Variants in ELF2 observed in about 807,000 individuals in gnomAD.
ELF2 encodes ETS-related transcription factor Elf-2.
Under a neutral mutation model 54.8 loss-of-function variants are expected in ELF2, and 11 were observed. That is an observed-to-expected ratio of 0.20 (90% CI 0.13 to 0.33). The LOEUF (loss-of-function observed/expected upper bound fraction) is 0.33, where lower values mean the gene tolerates loss of function less well. ELF2 is among the 10% of genes least tolerant of loss of function. The pLI is 1.00. For missense variants in ELF2, 513 were observed against 703.0 expected (o/e 0.73, Z 3.06); for synonymous variants, 203 against 245.1 (o/e 0.83, Z 1.61).
chr4:139,144,393 G>C (rs762977275), intron 1 of ELF2, among the ~76,000 whole-genome samples: 6 of 152,178 alleles, frequency 3.9e-5, no homozygotes, highest in Non-Finnish European at 7.3e-5. Flanking sequence ...TGTGTCACAG[G>C]AGAGTTCACA....
intron 1 of ELF2, among the ~76,000 whole-genome samples, chr4:139,164,063 T>C (rs187307102): frequency 0.012 from 911 of 72,980 alleles, 14 homozygotes; most frequent in African/African-American, 0.047. Flanking sequence ...AGAGAAAGAG[T>C]GGGGGTGAGA....
At chr4:139,065,853 A>T (rs1728621731) in intron 7 of ELF2, among the ~76,000 whole-genome samples, 1 of 152,214 alleles carries the variant, frequency 6.6e-6, no homozygotes, top group South Asian at 2.1e-4. Flanking sequence ...TTTCTAATAC[A>T]TACTATGTTA....
chr4:139,109,352 A>C (rs920761140), intron 4 of ELF2, among the ~76,000 whole-genome samples: 3 of 152,216 alleles, frequency 2.0e-5, no homozygotes, highest in African/African-American at 2.4e-5. Flanking sequence ...AGCATTAAGA[A>C]GCAGCAGACT....
chr4:139,060,731 A>T (rs1578653040), intron 8 of ELF2, 57 bp from the exon 9 acceptor site: 45 of 1,421,766 alleles, frequency 3.2e-5, no homozygotes, highest in Non-Finnish European at 4.2e-5. Context: ...ACCCCACTCC[A>T]CCCCCGCCAA....
At position 139,143,034 on chromosome 4, in the gene ELF2, T is replaced by C. The variant is rs543312470; in HGVS notation, c.-251-3537A>G. On this transcript the variant is annotated intron_variant, in intron 1 of 9. Transcript: ENST00000686138. ...TGGAGTAGGATGCACCAGGAATCTGTATCCCTATCTAGACAATTGCACTGG... is the reference window on the plus strand; with the variant it reads ...TGGAGTAGGATGCACCAGGAATCTGCATCCCTATCTAGACAATTGCACTGG... 2.0e-5 allele frequency among the ~76,000 whole-genome samples: 3 copies of C among 152,332 alleles called. No homozygotes were observed. The South Asian group carries it at 6.2e-4, about 32-fold the overall frequency.
intron 3 of ELF2, among the ~76,000 whole-genome samples, chr4:139,126,003 T>A (rs534029680): frequency 6.6e-6 from 1 of 152,178 alleles, no homozygotes; most frequent in East Asian, 1.9e-4. Flanking sequence ...GTTAGCATCA[T>A]ACTCTACCCA....
At chr4:139,118,873 A>G (rs1736029091) in intron 4 of ELF2, among the ~76,000 whole-genome samples, 1 of 152,210 alleles carries the variant, frequency 6.6e-6, no homozygotes, top group South Asian at 2.1e-4. Flanking sequence ...TAATCTTCAC[A>G]ACCCTGAATT....
Position 139,170,792 on chromosome 4 carries a change from C to T in ELF2, c.-252+6175G>A, listed in dbSNP as rs142598189. On this transcript the variant is annotated intron_variant, in intron 1 of 9. Transcript: ENST00000686138. ...ACAGAGCCTTGCTCTGTTGCCCAGG[C>T]TGCAGTGCAGTGTTGCAATCTCAGC... 1.0e-3 allele frequency among the ~76,000 whole-genome samples: 156 copies of T among 151,128 alleles called. 1 individual carries two copies. The highest frequency in any genetic ancestry group is 3.6e-3 in the African/African-American group (150 of 41,340).
chr4:139,105,514 G>A (rs1734328032), intron 4 of ELF2, among the ~76,000 whole-genome samples: 1 of 152,210 alleles, frequency 6.6e-6, no homozygotes, highest in Non-Finnish European at 1.5e-5. Context: ...AAACTACAGA[G>A]TTAACTGAAT....
chr4:139,082,848 T>C, intron 4 of ELF2, among the ~76,000 whole-genome samples: 1 of 152,212 alleles, frequency 6.6e-6, no homozygotes, highest in East Asian at 1.9e-4. Flanking sequence ...CAGTGCTACA[T>C]CGATCCAGGG....
chr4:139,148,894 G>A (rs1040165740), intron 1 of ELF2, among the ~76,000 whole-genome samples: 4 of 152,234 alleles, frequency 2.6e-5, no homozygotes, highest in Non-Finnish European at 5.9e-5. Context: ...CCAACAAAAT[G>A]TTTAGGTAAT....
At chr4:139,171,167 T>G (rs1742272895) in intron 1 of ELF2, among the ~76,000 whole-genome samples, 1 of 152,158 alleles carries the variant, frequency 6.6e-6, no homozygotes, top group Non-Finnish European at 1.5e-5. Context: ...GCAGGAGGAT[T>G]GCTTGAGCCC....
chr4:139,071,634 A>G (rs1729524378), intron 6 of ELF2, among the ~76,000 whole-genome samples: 1 of 152,158 alleles, frequency 6.6e-6, no homozygotes, highest in South Asian at 2.1e-4. Flanking sequence ...CACCTGTTAA[A>G]TATCATTGTC....
At chr4:139,086,632 G>A (rs1316323093) in intron 4 of ELF2, among the ~76,000 whole-genome samples, 4 of 151,946 alleles carry the variant, frequency 2.6e-5, no homozygotes, top group Non-Finnish European at 5.9e-5. Flanking sequence ...TCTGTTATAG[G>A]TGCTTATTAA....
chr4:139,101,751 G>A (rs1247669130), intron 4 of ELF2: 1 of 151,938 alleles, frequency 6.6e-6, no homozygotes, highest in Non-Finnish European at 1.5e-5. Context: ...CTTTTTTATG[G>A]AGGCCTCCCT....
At chr4:139,157,406 A>ATT (rs915028264) in intron 1 of ELF2, among the ~76,000 whole-genome samples, 1 of 147,180 alleles carries the variant, frequency 6.8e-6, no homozygotes, top group Non-Finnish European at 1.5e-5. Context: ...ATTCTGTATA[A>ATT]TTTTTTTTTT....
intron 1 of ELF2, among the ~76,000 whole-genome samples, chr4:139,141,726 T>C (rs1182526213): frequency 2.0e-5 from 3 of 152,148 alleles, no homozygotes; most frequent in Admixed American, 2.0e-4. Context: ...GTTGGTGAAG[T>C]CTTAGGACAG....
intron 3 of ELF2, among the ~76,000 whole-genome samples, chr4:139,134,494 C>A (rs1277012950): frequency 6.6e-6 from 1 of 151,140 alleles, no homozygotes; most frequent in African/African-American, 2.5e-5. Flanking sequence ...GTACCTGGGA[C>A]TCCAGGTGCA....
At chr4:139,144,753 C>A (rs1739060969) in intron 1 of ELF2, among the ~76,000 whole-genome samples, 1 of 152,204 alleles carries the variant, frequency 6.6e-6, no homozygotes. Flanking sequence ...TTCTGTGAAG[C>A]AGAGGCAGCT....
Sources: allele counts gnomAD v4.1 joint callset (sites outside exome capture counted in the v4.1 genomes callset), GRCh38; gene constraint gnomAD v4.1.1; transcripts MANE v1.5; gene names NCBI Gene and HGNC (gene_info 2026-07-23, HGNC 2026-07-21).